Variants in POPDC2 observed in about 807,000 individuals in gnomAD.
POPDC2 encodes popeye domain-containing protein 2.
POPDC2 carries 24 observed loss-of-function variants against 30.5 expected under a neutral mutation model. The observed-to-expected ratio is 0.79, with a 90% confidence interval of 0.57 to 1.11. The LOEUF is 1.11. Among genes scored for constraint, POPDC2 ranks in the 50% least tolerant of loss-of-function variants. POPDC2 has a pLI of 0.00. For synonymous variants in POPDC2, 185 were observed against 183.3 expected, an observed-to-expected ratio of 1.01 and a Z score of -0.07; for missense variants, 409 against 447.0, an observed-to-expected ratio of 0.91 and a Z score of 0.77.
At chr3:119,655,197 G>A (rs1165106786) in intron 1 of POPDC2, among the ~76,000 whole-genome samples, 3 of 151,798 alleles carry the variant, frequency 2.0e-5, no homozygotes, top group East Asian at 3.9e-4. Flanking sequence ...GTATGGTGGC[G>A]GGTGCCTGTA....
chr3:119,650,497 G>C (rs1264679621), intron 2 of POPDC2, among the ~76,000 whole-genome samples: 2 of 152,168 alleles, frequency 1.3e-5, no homozygotes, highest in African/African-American at 4.8e-5. Flanking sequence ...TGAGTCTGAT[G>C]GTCAGTTTTC....
intron 2 of POPDC2, among the ~76,000 whole-genome samples, chr3:119,650,100 G>A (rs2052791966): frequency 6.6e-6 from 1 of 152,172 alleles, no homozygotes. Context: ...TACCTTAGAT[G>A]TACTTATGAA....
intron 2 of POPDC2, among the ~76,000 whole-genome samples, chr3:119,650,638 C>T (rs1383852951): frequency 6.6e-6 from 1 of 152,194 alleles, no homozygotes; most frequent in Non-Finnish European, 1.5e-5. Flanking sequence ...CCTTTCCTCT[C>T]CAACTCCTCA....
intron 3 of POPDC2, 143 bp from the exon 4 acceptor site, chr3:119,642,704 AG>A (rs1222922577): frequency 1.7e-6 from 1 of 586,708 alleles, no homozygotes; most frequent in Non-Finnish European, 3.0e-6. Context: ...TGATAGGGGC[AG>A]GTGTACCTTC....
chr3:119,655,372 C>T (rs2052868192), intron 1 of POPDC2, among the ~76,000 whole-genome samples: 1 of 152,154 alleles, frequency 6.6e-6, no homozygotes, highest in African/African-American at 2.4e-5. Flanking sequence ...TTTACATTTA[C>T]ATTAATTAAA....
At chr3:119,645,207 G>A (rs1317934564) in intron 3 of POPDC2, among the ~76,000 whole-genome samples, 1 of 152,200 alleles carries the variant, frequency 6.6e-6, no homozygotes, top group African/African-American at 2.4e-5. Flanking sequence ...CATTTCATAC[G>A]ATAGTATGTA....
At chr3:119,654,703 A>T in intron 1 of POPDC2, 90 bp from the exon 2 acceptor site, 1 of 896,380 alleles carries the variant, frequency 1.1e-6, no homozygotes. Context: ...GATTAACATG[A>T]ATCTTCCTGT....
chr3:119,660,662 C>T (rs1318411897), upstream of POPDC2: 6 of 272,200 alleles, frequency 2.2e-5, 1 homozygote, highest in Middle Eastern at 8.8e-4. Flanking sequence ...CTCTCCCCCC[C>T]TCTCTCCTCC....
In POPDC2 at chr3:119,660,088, G is replaced by A. The variant is rs144096993; in HGVS notation, c.336C>T (p.Tyr112=). The A allele has an allele frequency of 1.0e-4, 164 of 1,614,208 alleles. No homozygotes were observed. The highest frequency in any genetic ancestry group is 1.2e-4 in the Non-Finnish European group (138 of 1,180,040). The stretch of plus-strand genomic sequence containing the variant: ...CCTGCAAGGGCAGGCACAGCGTCTT[G>A]TAGAGGAGGTCAAACTCCTCAGGGA... ...DTLPEEFDLL[Y]KTLCLPLQVP... Residue 112 remains tyrosine (Y), a synonymous_variant, in exon 1 of 4, where the codon TAC becomes TAT. Transcript: ENST00000493094.
At chr3:119,649,663 A>G (rs1408892564) in intron 2 of POPDC2, among the ~76,000 whole-genome samples, 1 of 152,206 alleles carries the variant, frequency 6.6e-6, no homozygotes, top group Non-Finnish European at 1.5e-5. Context: ...TTAGCAGCTA[A>G]TATTTGTCAA....
chr3:119,643,648 T>C (rs573980585), intron 3 of POPDC2, among the ~76,000 whole-genome samples: 1 of 152,184 alleles, frequency 6.6e-6, no homozygotes, highest in Non-Finnish European at 1.5e-5. Flanking sequence ...ATGAGGAACA[T>C]GTTCTTGATG....
chr3:119,659,793 G>A, intron 1 of POPDC2, 140 bp downstream of exon 1: 1 of 1,142,514 alleles, frequency 8.8e-7, no homozygotes, highest in African/African-American at 1.5e-5. Context: ...ATCTATTTTG[G>A]TTTGTTTGAC....
At position 119,650,456 on chromosome 3, in the gene POPDC2, C is replaced by A. The variant is rs143582825; in HGVS notation, c.601-1788G>T. Among the ~76,000 whole-genome samples the A allele has an allele frequency of 5.8e-4, 89 of 152,282 alleles. 1 individual carries two copies. The highest frequency in any genetic ancestry group is 2.1e-3 in the African/African-American group (89 of 41,552). ...CCCTAGCAGTCCACAAAGACTGTTC[C>A]TGTTAAGGTCACCAATGACCTCTAA... On this transcript the variant is annotated intron_variant, in intron 2 of 3. Transcript: ENST00000493094.
chr3:119,650,483 C>G (rs937762789), intron 2 of POPDC2, among the ~76,000 whole-genome samples: 3 of 152,206 alleles, frequency 2.0e-5, no homozygotes, highest in Non-Finnish European at 4.4e-5. Context: ...GACCTCTAAG[C>G]TGCTGAGTCT....
intron 1 of POPDC2, among the ~76,000 whole-genome samples, chr3:119,657,202 A>C (rs7633444): frequency 6.6e-6 from 1 of 152,006 alleles, no homozygotes; most frequent in South Asian, 2.1e-4. Flanking sequence ...CTCTTCCTTA[A>C]TGGTGCTAGA....
chr3:119,655,793 T>C (rs976054172), intron 1 of POPDC2, among the ~76,000 whole-genome samples: 2 of 152,250 alleles, frequency 1.3e-5, no homozygotes, highest in Non-Finnish European at 1.5e-5. Context: ...TAAAATTCTA[T>C]GTTCTTAGCA....
At chr3:119,655,192 G>A (rs2052865823) in intron 1 of POPDC2, among the ~76,000 whole-genome samples, 1 of 152,062 alleles carries the variant, frequency 6.6e-6, no homozygotes, top group South Asian at 2.1e-4. Flanking sequence ...GCCAGGTATG[G>A]TGGCGGGTGC....
At chr3:119,655,301 T>A (rs1393424415) in intron 1 of POPDC2, among the ~76,000 whole-genome samples, 1 of 152,180 alleles carries the variant, frequency 6.6e-6, no homozygotes, top group Non-Finnish European at 1.5e-5. Context: ...CACTCCAGCC[T>A]GGGCAAAAGA....
chr3:119,647,039 G>A (rs2052753580), intron 3 of POPDC2, among the ~76,000 whole-genome samples: 1 of 152,180 alleles, frequency 6.6e-6, no homozygotes, highest in African/African-American at 2.4e-5. Context: ...ACAGGAGATT[G>A]TAAATTCCAT....
Sources: allele counts gnomAD v4.1 joint callset (sites outside exome capture counted in the v4.1 genomes callset), GRCh38; gene constraint gnomAD v4.1.1; transcripts MANE v1.5; gene names NCBI Gene and HGNC (gene_info 2026-07-23, HGNC 2026-07-21).